The following GPC5 variants were observed in gnomAD, a reference collection of about 807,000 sequenced individuals.
GPC5 encodes glypican 5.
In GPC5, 47 loss-of-function variants were observed where a neutral mutation model predicts 53.9. The observed-to-expected ratio is 0.87, with a 90% CI of 0.69 to 1.11. The LOEUF is 1.11. Among genes scored for constraint, GPC5 ranks in the 50% most tolerant of loss-of-function variants. The probability of loss-of-function intolerance (pLI) is 0.00; values close to 1 mark genes in which losing one functional copy is unlikely to be tolerated. For synonymous variants in GPC5, 286 were observed against 263.3 expected, an observed-to-expected ratio of 1.09 and a Z score of -0.84; for missense variants, 748 against 713.1, an observed-to-expected ratio of 1.05 and a Z score of -0.56.
chr13:92,775,121 T>C (rs934803285), intron 7 of GPC5, among the ~76,000 whole-genome samples: 1 of 152,180 alleles, frequency 6.6e-6, no homozygotes, highest in Non-Finnish European at 1.5e-5. Context: ...ATATCATTCA[T>C]TTATGGTCTT....
At position 92,684,137 on chromosome 13, in the gene GPC5, C is replaced by G. The variant is rs191085873; in HGVS notation, c.1562-182145C>G. 1.5e-3 allele frequency among the ~76,000 whole-genome samples: 230 copies of G among 152,244 alleles called. 4 individuals are homozygous for G. Among genetic ancestry groups the G allele is most frequent in the East Asian group, 8.1e-3 (42 of 5,182 alleles). On this transcript the variant is annotated intron_variant, in intron 7 of 7. Transcript: ENST00000377067. ...TCTTCTTACTGTCTGCACAGTTTTG[C>G]CTTTTTCAAAATGTCATATACTTGA...
intron 2 of GPC5, among the ~76,000 whole-genome samples, chr13:91,466,604 AGTCTGG>A (rs1882255364): frequency 6.6e-6 from 1 of 152,150 alleles, no homozygotes; most frequent in African/African-American, 2.4e-5. Context: ...ATATTTTAAT[AGTCTGG>A]GTGAGAGAAA....
intron 7 of GPC5, among the ~76,000 whole-genome samples, chr13:92,648,223 C>T (rs961808379): frequency 6.6e-6 from 1 of 152,054 alleles, no homozygotes; most frequent in African/African-American, 2.4e-5. Flanking sequence ...ATCCTCTATA[C>T]ACCTCTTATT....
intron 7 of GPC5, among the ~76,000 whole-genome samples, chr13:92,440,837 CTGA>C (rs987066001): frequency 6.6e-6 from 1 of 152,110 alleles, no homozygotes; most frequent in Non-Finnish European, 1.5e-5. Context: ...TTGCGTTTCT[CTGA>C]TGATGAGCAT....
chr13:92,127,574 AAT>A (rs1454733029), intron 6 of GPC5, among the ~76,000 whole-genome samples: 1 of 152,190 alleles, frequency 6.6e-6, no homozygotes, highest in African/African-American at 2.4e-5. Context: ...ATATTCCTTG[AAT>A]TAGCAGAGCA....
intron 2 of GPC5, among the ~76,000 whole-genome samples, chr13:91,585,086 A>G (rs1326260670): frequency 6.6e-6 from 1 of 152,234 alleles, no homozygotes; most frequent in African/African-American, 2.4e-5. Flanking sequence ...ACTAATAAAC[A>G]TAACAAAGGT....
intron 7 of GPC5, among the ~76,000 whole-genome samples, chr13:92,439,890 G>T (rs1877476164): frequency 6.6e-6 from 1 of 150,580 alleles, no homozygotes; most frequent in Non-Finnish European, 1.5e-5. Context: ...GGTAGAAGGA[G>T]AAGTGATTTT....
At chr13:91,896,098 C>G (rs570471154) in intron 5 of GPC5, among the ~76,000 whole-genome samples, 2 of 151,402 alleles carry the variant, frequency 1.3e-5, no homozygotes, top group Admixed American at 1.3e-4. Context: ...GATAATCCCC[C>G]CATTTAAAAT....
intron 7 of GPC5, among the ~76,000 whole-genome samples, chr13:92,377,415 A>G (rs951034937): frequency 1.3e-5 from 2 of 152,210 alleles, no homozygotes; most frequent in Non-Finnish European, 2.9e-5. Flanking sequence ...TGAAATATCA[A>G]ATGATATGGA....
In GPC5 at chr13:92,491,967, C is replaced by T. The variant is rs541763298; in HGVS notation, c.1561+346978C>T. Among the ~76,000 whole-genome samples, 649 of 152,160 alleles carry T rather than the reference C, an allele frequency of 4.3e-3. 3 individuals are homozygous for T. Among genetic ancestry groups the T allele is most frequent in the Non-Finnish European group, 7.0e-3 (473 of 67,986 alleles). On this transcript the variant is annotated intron_variant, in intron 7 of 7. Coordinates refer to ENST00000377067, the MANE Select transcript of GPC5 (RefSeq NM_004466.6). ...AATTGCAGAATCATTCTTTCTTCAGCTTCACAGTTTTTTTTATCTTTTCAG... is the reference window on the plus strand; with the variant it reads ...AATTGCAGAATCATTCTTTCTTCAGTTTCACAGTTTTTTTTATCTTTTCAG...
chr13:92,250,457 A>C (rs1220349206), intron 7 of GPC5, among the ~76,000 whole-genome samples: 1 of 152,016 alleles, frequency 6.6e-6, no homozygotes, highest in Non-Finnish European at 1.5e-5. Flanking sequence ...TGCTCTTTTC[A>C]CCATGTGTTT....
At chr13:91,850,389 A>G (rs1838181109) in intron 5 of GPC5, among the ~76,000 whole-genome samples, 1 of 152,126 alleles carries the variant, frequency 6.6e-6, no homozygotes, top group African/African-American at 2.4e-5. Flanking sequence ...TCAAACTGTC[A>G]ATAATATCAA....
rs141348234 is a variant in GPC5 at position 92,657,843 on chromosome 13, A to G, written c.1562-208439A>G. 4.4e-3 allele frequency among the ~76,000 whole-genome samples: 672 copies of G among 152,278 alleles called. 6 individuals are homozygous for G. Among genetic ancestry groups the G allele is most frequent in the African/African-American group, 0.015 (626 of 41,574 alleles). ...ACTCTTCAGACTGTTACTACAGTCT[A>G]TATCACATACTGAGTGTTTCCTAGA... is the stretch of plus-strand genomic sequence containing the variant. On this transcript the variant is annotated intron_variant, in intron 7 of 7. Coordinates refer to ENST00000377067, the MANE Select transcript of GPC5 (RefSeq NM_004466.6).
intron 7 of GPC5, among the ~76,000 whole-genome samples, chr13:92,744,231 G>C (rs1451748215): frequency 7.2e-6 from 1 of 139,058 alleles, no homozygotes; most frequent in Non-Finnish European, 1.6e-5. Flanking sequence ...CTTCTGGTTT[G>C]GAAAAAAAAA....
At chr13:91,499,165 G>A (rs973288144) in intron 2 of GPC5, among the ~76,000 whole-genome samples, 12 of 152,114 alleles carry the variant, frequency 7.9e-5, no homozygotes, top group Admixed American at 3.3e-4. Context: ...AGTCAAAGGT[G>A]GCTTTGGGTT....
intron 7 of GPC5, among the ~76,000 whole-genome samples, chr13:92,604,986 G>A (rs756693804): frequency 2.6e-5 from 4 of 152,192 alleles, no homozygotes; most frequent in Non-Finnish European, 5.9e-5. Context: ...GGAGCTTTCA[G>A]CAGTCACTGA....
chr13:92,521,817 A>T (rs1295539833), intron 7 of GPC5, among the ~76,000 whole-genome samples: 1 of 152,196 alleles, frequency 6.6e-6, no homozygotes, highest in Admixed American at 6.5e-5. Flanking sequence ...GAGCAAAAGA[A>T]ACTACCATCA....
chr13:91,639,463 G>T (rs2034365622), intron 2 of GPC5, among the ~76,000 whole-genome samples: 1 of 152,152 alleles, frequency 6.6e-6, no homozygotes, highest in Non-Finnish European at 1.5e-5. Context: ...TACCCCCATG[G>T]TAACCAGATA....
At chr13:91,982,303 A>G (rs2040366830) in intron 6 of GPC5, among the ~76,000 whole-genome samples, 1 of 152,216 alleles carries the variant, frequency 6.6e-6, no homozygotes, top group South Asian at 2.1e-4. Flanking sequence ...CCACAAATAT[A>G]TTCAAATGTG....
Sources: allele counts gnomAD v4.1 joint callset (sites outside exome capture counted in the v4.1 genomes callset), GRCh38; gene constraint gnomAD v4.1.1; transcripts MANE v1.5; gene names NCBI Gene and HGNC (gene_info 2026-07-23, HGNC 2026-07-21).